The following PPARGC1A variants were observed in gnomAD, a reference collection of about 807,000 sequenced individuals.
PPARGC1A encodes peroxisome proliferator-activated receptor gamma coactivator 1-alpha.
PPARGC1A carries 25 observed loss-of-function variants against 88.7 expected under a neutral mutation model. That is an observed-to-expected ratio of 0.28 (90% CI 0.21 to 0.39). The LOEUF is 0.39. PPARGC1A is among the 10% of genes least tolerant of loss of function. The pLI, the probability that PPARGC1A is intolerant of heterozygous loss-of-function variation, is 1.00. For synonymous variants in PPARGC1A, 363 were observed against 355.6 expected, an observed-to-expected ratio of 1.02 and a Z score of -0.24; for missense variants, 880 against 968.7, an observed-to-expected ratio of 0.91 and a Z score of 1.22.
the PPARGC1A span, among the ~76,000 whole-genome samples, chr4:24,386,230 C>G: frequency 1.1e-3 from 166 of 152,096 alleles, no homozygotes; most frequent in African/African-American, 3.7e-3. Flanking sequence ...TAGGTATTGA[C>G]AGAATGTATC....
chr4:24,328,753 G>A, the PPARGC1A span, among the ~76,000 whole-genome samples: 10 of 152,180 alleles, frequency 6.6e-5, no homozygotes, highest in Non-Finnish European at 1.3e-4. Context: ...CTCCTTGCAT[G>A]AATGGAGTTT....
the PPARGC1A span, among the ~76,000 whole-genome samples, chr4:24,039,489 T>C: frequency 2.6e-5 from 4 of 152,170 alleles, no homozygotes; most frequent in Admixed American, 1.3e-4. Context: ...TTAGAGCTCA[T>C]ATTGCTTAAT....
chr4:23,848,853 C>T (rs1728764754), intron 2 of PPARGC1A, among the ~76,000 whole-genome samples: 2 of 144,998 alleles, frequency 1.4e-5, no homozygotes, highest in Admixed American at 6.7e-5. Flanking sequence ...GCCCTGGAAT[C>T]CCAGTACTAT....
At chr4:23,925,072 T>C in the PPARGC1A span, among the ~76,000 whole-genome samples, 8 of 152,218 alleles carry the variant, frequency 5.3e-5, no homozygotes, top group Non-Finnish European at 7.3e-5. Context: ...ACAATTTTCT[T>C]CTAAAATGCA....
chr4:24,322,114 A>G, the PPARGC1A span, among the ~76,000 whole-genome samples: 1 of 152,198 alleles, frequency 6.6e-6, no homozygotes, highest in African/African-American at 2.4e-5. Context: ...TTCGTTACCC[A>G]CCGAGTTAAA....
the PPARGC1A span, among the ~76,000 whole-genome samples, chr4:24,120,575 T>G: frequency 6.6e-6 from 1 of 152,158 alleles, no homozygotes; most frequent in Non-Finnish European, 1.5e-5. Flanking sequence ...TTACAGCTAT[T>G]GAATGGCAGC....
At chr4:23,796,517 G>A (rs544357266) in intron 12 of PPARGC1A, among the ~76,000 whole-genome samples, 3 of 152,194 alleles carry the variant, frequency 2.0e-5, no homozygotes, top group East Asian at 1.9e-4. Flanking sequence ...GAGTAAATTC[G>A]GAAAGAAGAA....
At chr4:24,301,091 T>TA in the PPARGC1A span, among the ~76,000 whole-genome samples, 1 of 152,164 alleles carries the variant, frequency 6.6e-6, no homozygotes, top group Non-Finnish European at 1.5e-5. Context: ...ATGTATTTGC[T>TA]ACCAAATTCA....
At chr4:23,925,020 A>G in the PPARGC1A span, among the ~76,000 whole-genome samples, 1 of 152,384 alleles carries the variant, frequency 6.6e-6, no homozygotes, top group South Asian at 2.1e-4. Flanking sequence ...TAAAGCGTTT[A>G]GGAGACAAAC....
the PPARGC1A span, among the ~76,000 whole-genome samples, chr4:24,120,879 T>C: frequency 6.6e-6 from 1 of 152,130 alleles, no homozygotes; most frequent in Admixed American, 6.6e-5. Context: ...AGAAATAAAT[T>C]TCTGTCGTTT....
the PPARGC1A span, among the ~76,000 whole-genome samples, chr4:24,297,440 G>T: frequency 6.6e-6 from 1 of 152,112 alleles, no homozygotes; most frequent in Non-Finnish European, 1.5e-5. Flanking sequence ...ACAGCTTTTA[G>T]CACACCTCAA....
At chr4:24,225,852 T>C in the PPARGC1A span, among the ~76,000 whole-genome samples, 1 of 152,098 alleles carries the variant, frequency 6.6e-6, no homozygotes, top group Non-Finnish European at 1.5e-5. Context: ...GACTGGAGCT[T>C]AGGTGGAATG....
At chr4:23,864,814 C>T (rs982921885) in intron 2 of PPARGC1A, among the ~76,000 whole-genome samples, 1 of 152,160 alleles carries the variant, frequency 6.6e-6, no homozygotes, top group African/African-American at 2.4e-5. Flanking sequence ...AGATCAGCAG[C>T]AAGCTTGCAA....
chr4:24,191,861 G>T, the PPARGC1A span, among the ~76,000 whole-genome samples: 12 of 152,268 alleles, frequency 7.9e-5, no homozygotes, highest in East Asian at 3.9e-4. Context: ...TGCCTCATTT[G>T]AACATAGCAA....
At chr4:24,035,967 C>T in the PPARGC1A span, among the ~76,000 whole-genome samples, 1 of 152,108 alleles carries the variant, frequency 6.6e-6, no homozygotes, top group African/African-American at 2.4e-5. Flanking sequence ...TGTTTACTTC[C>T]CATAACTGCC....
chr4:23,957,451 A>C, the PPARGC1A span, among the ~76,000 whole-genome samples: 1 of 152,142 alleles, frequency 6.6e-6, no homozygotes, highest in African/African-American at 2.4e-5. Flanking sequence ...AATGAATAAT[A>C]AATGAATGGA....
chr4:24,398,782 A>G, the PPARGC1A span, among the ~76,000 whole-genome samples: 18 of 152,162 alleles, frequency 1.2e-4, no homozygotes, highest in South Asian at 2.1e-4. Flanking sequence ...GTTAATGTGC[A>G]TTTCTCCACA....
chr4:24,292,316 G>A, the PPARGC1A span, among the ~76,000 whole-genome samples: 3 of 151,968 alleles, frequency 2.0e-5, no homozygotes, highest in Non-Finnish European at 4.4e-5. Flanking sequence ...AGAAAAGAAG[G>A]CCATGAGAGA....
the PPARGC1A span, among the ~76,000 whole-genome samples, chr4:24,238,980 A>T: frequency 6.6e-6 from 1 of 152,196 alleles, no homozygotes; most frequent in African/African-American, 2.4e-5. Context: ...GGAAATAATA[A>T]TGGTTAATAT....
Sources: allele counts gnomAD v4.1 joint callset (sites outside exome capture counted in the v4.1 genomes callset), GRCh38; gene constraint gnomAD v4.1.1; transcripts MANE v1.5; gene names NCBI Gene and HGNC (gene_info 2026-07-23, HGNC 2026-07-21).